The following PPP1R42 variants were observed in gnomAD, a reference collection of about 807,000 sequenced individuals.
PPP1R42 encodes leucine rich repeat containing 67.
A neutral mutation model predicts 31.0 loss-of-function variants in PPP1R42; 34 were observed. The observed-to-expected ratio is 1.10, with a 90% CI of 0.83 to 1.46. PPP1R42 has a LOEUF of 1.46. Ranked by LOEUF, PPP1R42 falls within the 40% of genes most tolerant of loss-of-function variation. PPP1R42 has a pLI of 0.00. For missense variants in PPP1R42, 268 were observed against 303.0 expected (o/e 0.88, Z 0.86); for synonymous variants, 103 against 109.8 (o/e 0.94, Z 0.39).
chr8:66,986,090 C>T, intron 6 of PPP1R42: 2 of 725,870 alleles, frequency 2.8e-6, no homozygotes, highest in Non-Finnish European at 5.2e-6. Context: ...CGGCTGCCTT[C>T]TTCTTGTCCA....
At chr8:67,026,384 G>A (rs1317842074) in intron 1 of PPP1R42, among the ~76,000 whole-genome samples, 1 of 152,042 alleles carries the variant, frequency 6.6e-6, no homozygotes, top group Non-Finnish European at 1.5e-5. Context: ...AAGGAGCTTG[G>A]GCTAGGGCTA....
chr8:66,980,574 T>C (rs1814796947), intron 7 of PPP1R42, among the ~76,000 whole-genome samples: 1 of 152,100 alleles, frequency 6.6e-6, no homozygotes, highest in Admixed American at 6.5e-5. Context: ...TCACTAGAGC[T>C]CCATGCCTCT....
rs778790645 is a variant in PPP1R42 at position 66,985,337 on chromosome 8, C to T, written c.670+3063G>A. The T allele has an allele frequency of 2.5e-5, 20 of 793,202 alleles. 1 individual carries two copies. The highest frequency in any genetic ancestry group is 4.2e-5 in the Non-Finnish European group (19 of 450,458). The allele number at this position is 793,202 out of a possible 1,614,324, so 49.1% of individuals were successfully genotyped here. ...TGTCTTCTGATGGCTTTTCTTTTAG[C>T]TGTTGCTTGAATGGTTCCCTCCGAA... is the stretch of plus-strand genomic sequence containing the variant. On this transcript the variant is annotated intron_variant, in intron 6 of 7. Coordinates refer to ENST00000685739, the MANE Select transcript of PPP1R42 (RefSeq NM_001364910.1).
chr8:66,976,819 G>C (rs549765598), intron 7 of PPP1R42, among the ~76,000 whole-genome samples: 6 of 152,134 alleles, frequency 3.9e-5, no homozygotes, highest in African/African-American at 1.4e-4. Context: ...TGGACACTTA[G>C]GGCAATTCTG....
intron 7 of PPP1R42, among the ~76,000 whole-genome samples, chr8:66,979,396 A>G (rs1471919763): frequency 6.6e-6 from 1 of 152,198 alleles, no homozygotes; most frequent in East Asian, 1.9e-4. Context: ...TTAGCCGGGT[A>G]TGGTTGCACA....
At chr8:67,021,775 G>A (rs75001693) in intron 1 of PPP1R42, among the ~76,000 whole-genome samples, 5,293 of 151,838 alleles carry the variant, frequency 0.035, 188 homozygotes, top group African/African-American at 0.079. Flanking sequence ...ATATAGTACT[G>A]TTTTTCACAA....
chr8:67,008,150 C>T (rs369785771), intron 5 of PPP1R42, among the ~76,000 whole-genome samples: 4 of 152,002 alleles, frequency 2.6e-5, no homozygotes, highest in East Asian at 1.9e-4. Context: ...TGAGCCACCG[C>T]GCCCAGCCTC....
chr8:67,018,507 T>G (rs2129537068), intron 1 of PPP1R42, among the ~76,000 whole-genome samples: 1 of 151,044 alleles, frequency 6.6e-6, no homozygotes. Context: ...ATGATCATAG[T>G]GCACTGCAAC....
At chr8:66,984,126 A>T in intron 6 of PPP1R42, 1 of 1,586,844 alleles carries the variant, frequency 6.3e-7, no homozygotes, top group Non-Finnish European at 8.6e-7. Flanking sequence ...AAGGGCTTGC[A>T]GTAGTCTCAA....
At chr8:66,988,200 A>G in intron 6 of PPP1R42, 200 bp downstream of exon 6, 1 of 1,206,958 alleles carries the variant, frequency 8.3e-7, no homozygotes, top group Non-Finnish European at 1.0e-6. Flanking sequence ...AGGTGCTTTA[A>G]TTACTTCTGA....
At chr8:66,970,565 G>C (rs1814509025) in intron 7 of PPP1R42, among the ~76,000 whole-genome samples, 1 of 152,226 alleles carries the variant, frequency 6.6e-6, no homozygotes, top group Admixed American at 6.5e-5. Flanking sequence ...GGTGAAAGTA[G>C]TCTAATTCTG....
At chr8:67,021,089 T>G (rs1013198422) in intron 1 of PPP1R42, among the ~76,000 whole-genome samples, 2 of 152,212 alleles carry the variant, frequency 1.3e-5, no homozygotes, top group African/African-American at 4.8e-5. Flanking sequence ...TTACTACAAA[T>G]GTAACCAAAA....
At chr8:66,974,381 C>T (rs983004682) in intron 7 of PPP1R42, among the ~76,000 whole-genome samples, 1 of 151,976 alleles carries the variant, frequency 6.6e-6, no homozygotes, top group African/African-American at 2.4e-5. Context: ...ATGGTGAAAC[C>T]GCATCTCTAC....
rs772599714 is a variant in PPP1R42 at position 67,017,677 on chromosome 8, G to A, written c.71C>T (p.Ser24Leu). 19 of 1,601,944 alleles carry A rather than the reference G, an allele frequency of 1.2e-5. No homozygotes were observed. The Admixed American group carries it at 3.0e-4, about 26-fold the overall frequency. Residue 24 changes from serine to leucine, a missense_variant, in exon 2 of 8, where the codon TCA becomes TTA. Transcript: ENST00000685739. Reference sequence around the variant, plus strand: ...ATGAGTTATTTTCTTCAGGCACTGTGAAATGGTTTCTTCTTTTCGGGGTTT... The same window carrying A: ...ATGAGTTATTTTCTTCAGGCACTGTAAAATGGTTTCTTCTTTTCGGGGTTT... ...NLKPRKEETI[S>L]QCLKKITHIN...
intron 7 of PPP1R42, among the ~76,000 whole-genome samples, chr8:66,981,466 G>A (rs534590523): frequency 6.7e-6 from 1 of 149,124 alleles, no homozygotes; most frequent in East Asian, 2.0e-4. Flanking sequence ...TGCAGCCTCC[G>A]CCTCCTGGGT....
intron 1 of PPP1R42, among the ~76,000 whole-genome samples, chr8:67,019,027 G>A (rs530097035): frequency 6.7e-6 from 1 of 149,578 alleles, no homozygotes; most frequent in East Asian, 2.0e-4. Flanking sequence ...ATGGAGACGG[G>A]GTTTCACTGT....
chr8:67,018,218 C>T (rs1473914195), intron 1 of PPP1R42, among the ~76,000 whole-genome samples: 1 of 151,444 alleles, frequency 6.6e-6, no homozygotes, highest in Non-Finnish European at 1.5e-5. Context: ...CAGGTTCAAG[C>T]GATTCTCCTG....
intron 2 of PPP1R42, among the ~76,000 whole-genome samples, chr8:67,017,071 A>G (rs2129537032): frequency 6.6e-6 from 1 of 152,328 alleles, no homozygotes; most frequent in Non-Finnish European, 1.5e-5. Context: ...TATTTAATCT[A>G]TGTATTTAAA....
At chr8:66,975,801 A>G (rs772590105) in intron 7 of PPP1R42, among the ~76,000 whole-genome samples, 11 of 152,228 alleles carry the variant, frequency 7.2e-5, no homozygotes, top group Non-Finnish European at 1.3e-4. Context: ...AATACATATA[A>G]TGTATAGTGA....
Sources: allele counts gnomAD v4.1 joint callset (sites outside exome capture counted in the v4.1 genomes callset), GRCh38; gene constraint gnomAD v4.1.1; transcripts MANE v1.5; gene names NCBI Gene and HGNC (gene_info 2026-07-23, HGNC 2026-07-21).